ST8SIA1: variants seen among roughly 807,000 people sequenced by gnomAD.
ST8SIA1 encodes the protein alpha-N-acetylneuraminide alpha-2,8-sialyltransferase.
ST8SIA1 carries 16 observed loss-of-function variants against 35.9 expected under a neutral mutation model. The observed-to-expected ratio is 0.45, with a 90% CI of 0.30 to 0.68. ST8SIA1 has a LOEUF of 0.68. ST8SIA1 is among the 30% of genes least tolerant of loss of function. The probability of loss-of-function intolerance (pLI) is 0.09; values close to 1 mark genes in which losing one functional copy is unlikely to be tolerated. For missense variants in ST8SIA1, 383 were observed against 453.6 expected (o/e 0.84, Z 1.41); for synonymous variants, 170 against 169.6 (o/e 1.00, Z -0.02).
intron 1 of ST8SIA1, among the ~76,000 whole-genome samples, chr12:22,311,826 G>T (rs1008742801): frequency 3.3e-5 from 5 of 152,158 alleles, no homozygotes; most frequent in African/African-American, 1.2e-4. Flanking sequence ...AATAGTTTAT[G>T]TAGGAGATTA....
rs372430028 is a variant in ST8SIA1, at chr12:22,306,479, T to G, written c.237-19186A>C. ...TGTTGAAACCACTTCCTAGTTTGGC[T>G]GGGTAACAAAATTCCAGAATGTTTA... On this transcript the variant is annotated intron_variant, in intron 1 of 4. Transcript: ENST00000396037. Among the ~76,000 whole-genome samples, 20 of 152,312 alleles carry G rather than the reference T, an allele frequency of 1.3e-4. 2 individuals are homozygous for G. The highest frequency in any genetic ancestry group is 1.0e-3 in the South Asian group (5 of 4,832).
chr12:22,210,452 G>T (rs1042933858), intron 4 of ST8SIA1, among the ~76,000 whole-genome samples: 4 of 152,028 alleles, frequency 2.6e-5, no homozygotes, highest in Non-Finnish European at 5.9e-5. Context: ...CTATATGTGG[G>T]TTTTTTCCCC....
At chr12:22,203,791 C>T (rs146475551) in intron 4 of ST8SIA1, among the ~76,000 whole-genome samples, 2,251 of 152,238 alleles carry the variant, frequency 0.015, 33 homozygotes, top group Admixed American at 0.023. Flanking sequence ...ATGGGTGGCA[C>T]TAATGCTTTC....
chr12:22,225,102 G>A (rs1865340742), intron 4 of ST8SIA1, among the ~76,000 whole-genome samples: 1 of 152,142 alleles, frequency 6.6e-6, no homozygotes, highest in African/African-American at 2.4e-5. Context: ...TGTAAGGAAG[G>A]ACCCTCCTCT....
At chr12:22,330,681 T>C (rs1245459850) in intron 1 of ST8SIA1, among the ~76,000 whole-genome samples, 1 of 152,224 alleles carries the variant, frequency 6.6e-6, no homozygotes, top group Non-Finnish European at 1.5e-5. Context: ...AAGATTCTTA[T>C]GAGGATTAAA....
chr12:22,224,547 G>T (rs947223623), intron 4 of ST8SIA1, among the ~76,000 whole-genome samples: 1 of 152,078 alleles, frequency 6.6e-6, no homozygotes, highest in African/African-American at 2.4e-5. Flanking sequence ...TTATAAGCAT[G>T]AGCCACTGCG....
intron 1 of ST8SIA1, chr12:22,326,094 C>A: frequency 4.3e-6 from 2 of 464,926 alleles, no homozygotes; most frequent in South Asian, 4.4e-5. Flanking sequence ...ACAACTGAAG[C>A]CATGGAAAAC....
At chr12:22,275,328 G>T (rs1258347584) in intron 2 of ST8SIA1, among the ~76,000 whole-genome samples, 1 of 152,218 alleles carries the variant, frequency 6.6e-6, no homozygotes, top group Non-Finnish European at 1.5e-5. Flanking sequence ...CCAAGGGCGG[G>T]TGTATCACTT....
chr12:22,213,995 C>G (rs900599526), intron 4 of ST8SIA1, among the ~76,000 whole-genome samples: 1 of 152,022 alleles, frequency 6.6e-6, no homozygotes, highest in Non-Finnish European at 1.5e-5. Context: ...GGATTTCTGG[C>G]GACTGCTTTC....
chr12:22,220,498 CT>C (rs1305550832), intron 4 of ST8SIA1, among the ~76,000 whole-genome samples: 2 of 152,276 alleles, frequency 1.3e-5, no homozygotes, highest in South Asian at 2.1e-4. Context: ...ATACACACCC[CT>C]AATAGCAGAA....
chr12:22,255,796 C>G (rs1307658895), intron 2 of ST8SIA1, among the ~76,000 whole-genome samples: 1 of 152,174 alleles, frequency 6.6e-6, no homozygotes, highest in Non-Finnish European at 1.5e-5. Context: ...ATACAATCAG[C>G]CATTCACTTG....
intron 2 of ST8SIA1, among the ~76,000 whole-genome samples, chr12:22,264,702 T>C (rs995246020): frequency 2.0e-5 from 3 of 152,198 alleles, no homozygotes; most frequent in Admixed American, 2.0e-4. Flanking sequence ...AATTTTCCCT[T>C]AAGATATATA....
At chr12:22,209,747 T>G (rs1865157275) in intron 4 of ST8SIA1, among the ~76,000 whole-genome samples, 1 of 152,194 alleles carries the variant, frequency 6.6e-6, no homozygotes, top group Admixed American at 6.5e-5. Flanking sequence ...TCTTTCTGTA[T>G]GTTTTTTTAC....
chr12:22,245,813 T>C lies in ST8SIA1; in HGVS notation c.584+3193A>G, dbSNP rs560569369. Reference sequence around the variant, plus strand: ...GAGGAGAAAAGGGTTACAGGTTAAGTTGATCACCAGTGGTTAATGGTTTCA... The same window carrying C: ...GAGGAGAAAAGGGTTACAGGTTAAGCTGATCACCAGTGGTTAATGGTTTCA... On this transcript the variant is annotated intron_variant, in intron 4 of 4. Transcript: ENST00000396037. Among the ~76,000 whole-genome samples, 4 of 152,292 alleles carry C rather than the reference T, an allele frequency of 2.6e-5. No individual in the cohort carries two copies. The South Asian group carries it at 8.3e-4, about 32-fold the overall frequency.
chr12:22,241,266 T>C (rs1865537645), intron 4 of ST8SIA1, among the ~76,000 whole-genome samples: 1 of 152,184 alleles, frequency 6.6e-6, no homozygotes, highest in Admixed American at 6.5e-5. Flanking sequence ...ATCCCCAATG[T>C]TGGAGGTGGG....
chr12:22,278,837 C>T (rs1866000050), intron 2 of ST8SIA1, among the ~76,000 whole-genome samples: 1 of 152,138 alleles, frequency 6.6e-6, no homozygotes, highest in Admixed American at 6.5e-5. Flanking sequence ...AAAATGTTGT[C>T]TTACCCTCAA....
chr12:22,303,887 C>CACACACAA (rs1555161257), intron 1 of ST8SIA1, among the ~76,000 whole-genome samples: 1 of 149,934 alleles, frequency 6.7e-6, no homozygotes, highest in Non-Finnish European at 1.5e-5. Context: ...CACACACACA[C>CACACACAA]AAAAGTGGTG....
At chr12:22,310,391 C>T (rs1168783228) in intron 1 of ST8SIA1, among the ~76,000 whole-genome samples, 1 of 152,122 alleles carries the variant, frequency 6.6e-6, no homozygotes. Flanking sequence ...CTATAAGGGG[C>T]CTGTCTGTGC....
chr12:22,215,449 C>G (rs1487789667), intron 4 of ST8SIA1, among the ~76,000 whole-genome samples: 1 of 152,010 alleles, frequency 6.6e-6, no homozygotes, highest in African/African-American at 2.4e-5. Flanking sequence ...GAAGAGACAA[C>G]CAGTAAACCA....
Sources: allele counts gnomAD v4.1 joint callset (sites outside exome capture counted in the v4.1 genomes callset), GRCh38; gene constraint gnomAD v4.1.1; transcripts MANE v1.5; gene names NCBI Gene and HGNC (gene_info 2026-07-23, HGNC 2026-07-21).